NBEAL1: variants seen among roughly 807,000 people sequenced by gnomAD.
NBEAL1 encodes the protein neurobeachin like 1.
In NBEAL1, 273 loss-of-function variants were observed where a neutral mutation model predicts 351.3. The observed-to-expected ratio is 0.78, with a 90% CI of 0.70 to 0.86. NBEAL1 has a LOEUF of 0.86. Among genes scored for constraint, NBEAL1 ranks in the 40% least tolerant of loss-of-function variants. The pLI, the probability that NBEAL1 is intolerant of heterozygous loss-of-function variation, is 0.00. For missense variants in NBEAL1, 2,961 were observed against 3,201.3 expected (o/e 0.92, Z 1.81); for synonymous variants, 1,050 against 1,086.4 (o/e 0.97, Z 0.66).
chr2:203,098,222 A>G (rs551544564), intron 11 of NBEAL1, among the ~76,000 whole-genome samples: 1 of 152,086 alleles, frequency 6.6e-6, no homozygotes, highest in East Asian at 1.9e-4. Context: ...ATTTAGTTTG[A>G]AAAAAAACTA....
rs562541981 is a variant in NBEAL1, at chr2:203,141,450, G to A, written c.4848+2702G>A. Among the ~76,000 whole-genome samples the A allele has an allele frequency of 1.0e-3, 128 of 128,356 alleles. 1 individual carries two copies. Among genetic ancestry groups the A allele is most frequent in the African/African-American group, 3.4e-3 (114 of 33,912 alleles). 84.2% of individuals were successfully genotyped at this position (128,356 alleles called of 152,430 possible). ...GGCTGGAGTACAGTGGCACAACCTC[G>A]GCTCACTGCAATCTCTCCACCTCCC... is the stretch of plus-strand genomic sequence containing the variant. On this transcript the variant is annotated intron_variant, in intron 31 of 55. Transcript: ENST00000683969.
chr2:203,135,974 C>T lies in NBEAL1; in HGVS notation c.4111C>T (p.Pro1371Ser). The T allele has an allele frequency of 1.2e-6, 2 of 1,613,860 alleles. No individual in the cohort carries two copies. Among genetic ancestry groups the T allele is most frequent in the Non-Finnish European group, 1.7e-6 (2 of 1,179,830 alleles). ...TAGACACTCTTTAGACTCAAACACACCATTATTTCCAGAAGATAGCTCTGT... is the reference window on the plus strand; with the variant it reads ...TAGACACTCTTTAGACTCAAACACATCATTATTTCCAGAAGATAGCTCTGT... Reference protein sequence around the residue: ...EDRHSLDSNTPLFPEDSSVGE... With the variant: ...EDRHSLDSNTSLFPEDSSVGE... Residue 1371 changes from proline (P) to serine (S), a missense_variant, in exon 28 of 56, where the codon CCA becomes TCA. Pro to Ser is a moderately conservative substitution (Grantham distance 74). Transcript: ENST00000683969.
chr2:203,060,451 A>G (rs191286471), intron 6 of NBEAL1, among the ~76,000 whole-genome samples: 7 of 152,284 alleles, frequency 4.6e-5, no homozygotes, highest in Admixed American at 1.3e-4. Flanking sequence ...ACAAAAACAC[A>G]TTTTTCACTG....
intron 43 of NBEAL1, chr2:203,181,391 G>A (rs2064713388): frequency 6.6e-6 from 1 of 152,048 alleles, no homozygotes; most frequent in Admixed American, 6.6e-5. Flanking sequence ...GCATGCAAGA[G>A]TAGGCAAATT....
intron 7 of NBEAL1, among the ~76,000 whole-genome samples, chr2:203,074,244 T>G (rs1559347378): frequency 2.0e-5 from 3 of 152,060 alleles, no homozygotes; most frequent in African/African-American, 7.2e-5. Context: ...AAGATTACAT[T>G]AATAAAATGA....
chr2:203,204,536 C>T (rs989914656), intron 51 of NBEAL1, among the ~76,000 whole-genome samples: 1 of 151,818 alleles, frequency 6.6e-6, no homozygotes, highest in African/African-American at 2.4e-5. Context: ...ATTGTCTCTG[C>T]CATGTTACCC....
intron 10 of NBEAL1, chr2:203,086,223 A>G (rs1227846411): frequency 6.6e-6 from 1 of 152,118 alleles, no homozygotes; most frequent in Non-Finnish European, 1.5e-5. Flanking sequence ...AAATGTCAAC[A>G]CACTCATCTT....
Position 203,223,223 on chromosome 2 carries a change from T to C in NBEAL1, c.*5869T>C, listed in dbSNP as rs2065969267. ...CATTCAACAATATTTACCTTTGTCTTAATGCCCATAATCTTATGAACTGAA... is the reference window on the plus strand; with the variant it reads ...CATTCAACAATATTTACCTTTGTCTCAATGCCCATAATCTTATGAACTGAA... On this transcript the variant is annotated 3_prime_UTR_variant, in exon 56 of 56. Coordinates refer to ENST00000683969, the MANE Select transcript of NBEAL1 (RefSeq NM_001378026.1). Among the ~76,000 whole-genome samples the C allele has an allele frequency of 6.6e-6, 1 of 152,136 alleles. No individual in the cohort carries two copies. The highest frequency in any genetic ancestry group is 1.5e-5 in the Non-Finnish European group (1 of 67,972).
intron 7 of NBEAL1, among the ~76,000 whole-genome samples, chr2:203,076,719 G>C (rs922136454): frequency 6.6e-6 from 1 of 150,824 alleles, no homozygotes; most frequent in African/African-American, 2.4e-5. Flanking sequence ...AGCCTCCCGA[G>C]TAGCTGGGAT....
chr2:203,185,609 G>A (rs1348221809), intron 44 of NBEAL1, among the ~76,000 whole-genome samples: 1 of 152,146 alleles, frequency 6.6e-6, no homozygotes. Context: ...GAATTCTGCT[G>A]GTCTTGCTTG....
intron 2 of NBEAL1, among the ~76,000 whole-genome samples, chr2:203,021,119 G>C (rs1467562365): frequency 1.3e-5 from 2 of 152,018 alleles, no homozygotes; most frequent in East Asian, 3.9e-4. Flanking sequence ...GTAGTGACGG[G>C]GTTTCACCAT....
intron 24 of NBEAL1, 34 bp downstream of exon 24, chr2:203,127,971 T>A: frequency 6.6e-7 from 1 of 1,505,256 alleles, no homozygotes; most frequent in Non-Finnish European, 9.0e-7. Context: ...CTTTTCCTTT[T>A]TAACATTTGA....
chr2:203,054,902 C>T (rs1392688150), intron 4 of NBEAL1, among the ~76,000 whole-genome samples: 1 of 152,118 alleles, frequency 6.6e-6, no homozygotes, highest in Non-Finnish European at 1.5e-5. Flanking sequence ...AAACCACAGC[C>T]TTAGAGACAG....
At chr2:203,068,513 A>G (rs942352756) in intron 7 of NBEAL1, 38 bp downstream of exon 7, 32 of 1,138,062 alleles carry the variant, frequency 2.8e-5, no homozygotes, top group Non-Finnish European at 3.7e-5. Context: ...TATGATTATC[A>G]TCTTACTCTG....
At position 203,098,498 on chromosome 2, in the gene NBEAL1, C is replaced by T. The variant is rs181109295; in HGVS notation, c.1185+865C>T. On this transcript the variant is annotated intron_variant, in intron 11 of 55. Coordinates refer to ENST00000683969, the MANE Select transcript of NBEAL1 (RefSeq NM_001378026.1). ...ATTATTATAGTCTCTTAGAGGTTCA[C>T]ATTACAATTCCAAATTGTAAGTGAT... 2.6e-5 allele frequency among the ~76,000 whole-genome samples: 4 copies of T among 152,256 alleles called. No individual in the cohort carries two copies. In the East Asian group the frequency reaches 7.7e-4, roughly 29 times the overall value.
intron 36 of NBEAL1, among the ~76,000 whole-genome samples, chr2:203,165,379 G>T (rs2064102087): frequency 1.3e-5 from 2 of 152,136 alleles, no homozygotes; most frequent in Non-Finnish European, 2.9e-5. Flanking sequence ...AGTTACTCTT[G>T]AAAGTCTCAT....
intron 7 of NBEAL1, among the ~76,000 whole-genome samples, chr2:203,074,227 AT>A (rs1180433116): frequency 6.6e-6 from 1 of 152,128 alleles, no homozygotes; most frequent in Admixed American, 6.5e-5. Context: ...GTATTTGTCA[AT>A]TAAAAAAGAT....
At chr2:203,092,874 A>G (rs2106191135) in intron 10 of NBEAL1, among the ~76,000 whole-genome samples, 1 of 152,336 alleles carries the variant, frequency 6.6e-6, no homozygotes, top group East Asian at 1.9e-4. Flanking sequence ...TAAAGAATAT[A>G]TTGGTGAAGT....
intron 3 of NBEAL1, among the ~76,000 whole-genome samples, chr2:203,045,251 A>G (rs897911724): frequency 1.3e-5 from 2 of 152,210 alleles, no homozygotes; most frequent in African/African-American, 4.8e-5. Flanking sequence ...AATAAGTAGG[A>G]TAAAATACTG....
Sources: gnomAD v4.1 joint callset for allele counts (sites outside exome capture counted in the v4.1 genomes callset) on GRCh38, gnomAD v4.1.1 for gene constraint, MANE v1.5 for transcripts, NCBI Gene and HGNC (gene_info 2026-07-23, HGNC 2026-07-21) for gene names.